SPATA31D1: variants seen among roughly 807,000 people sequenced by gnomAD.
The protein encoded by SPATA31D1 is SPATA31 subfamily D member 1, also known as spermatogenesis-associated protein 31D1.
SPATA31D1 carries 6 observed loss-of-function variants against 13.2 expected under a neutral mutation model. The observed-to-expected ratio is 0.46, with a 90% CI of 0.25 to 0.90. The LOEUF (loss-of-function observed/expected upper bound fraction) is 0.90, where lower values mean the gene tolerates loss of function less well. Ranked by LOEUF, SPATA31D1 falls within the 40% of genes least tolerant of loss-of-function variation. The probability of loss-of-function intolerance (pLI) is 0.18; values close to 1 mark genes in which losing one functional copy is unlikely to be tolerated. For synonymous variants in SPATA31D1, 903 were observed against 718.8 expected (o/e 1.26, Z -4.10); for missense variants, 2,445 against 1,884.7 (o/e 1.30, Z -5.50).
At chr9:81,988,145 G>A (rs574931560), upstream of SPATA31D1, among the ~76,000 whole-genome samples, 1 of 152,240 alleles carries the variant, frequency 6.6e-6, no homozygotes, top group African/African-American at 2.4e-5. Context: ...CTGTCTTATT[G>A]TTCGTTAATT....
chr9:81,991,473 G>A lies in SPATA31D1; in HGVS notation c.1003G>A (p.Gly335Arg), dbSNP rs369205312. Residue 335 changes from glycine to arginine, a missense_variant, in exon 4 of 4, where the codon GGG becomes AGG. By Grantham distance (125) the Gly-to-Arg change is moderately radical (BLOSUM62 -2). Transcript: ENST00000344803. ...AATGTTATCTCTAGGTGGCTCTGGT[G>A]GGTCATCCACCTCTGCCCCAACAAT... ...PEMLSLGGSGGSSTSAPTIKG... is the reference protein window; with the variant it reads ...PEMLSLGGSGRSSTSAPTIKG... 3.4e-5 allele frequency: 55 copies of A among 1,613,794 alleles called. 1 individual carries two copies. In the African/African-American group the frequency reaches 6.3e-4, roughly 18 times the overall value.
At position 81,989,833 on chromosome 9, in the gene SPATA31D1, G is replaced by T. The variant is rs746443824; in HGVS notation, c.232+10G>T. 1 of 1,613,312 alleles carries T rather than the reference G, an allele frequency of 6.2e-7. No homozygotes were observed. Among genetic ancestry groups the T allele is most frequent in the South Asian group, 1.1e-5 (1 of 91,040 alleles). ...GGTGGGACATTCAAAGGTAATGTCA[G>T]CCTGCTCTATCTGAGCTTCAGGGGT... is the stretch of plus-strand genomic sequence containing the variant. On this transcript the variant is annotated intron_variant, in intron 2 of 3. Transcript: ENST00000344803.
Position 81,995,126 on chromosome 9 carries a change from T to C in SPATA31D1, c.4656T>C (p.Ser1552=), listed in dbSNP as rs1397048433. 3 of 1,602,890 alleles carry C rather than the reference T, an allele frequency of 1.9e-6. No individual in the cohort carries two copies. Among genetic ancestry groups the C allele is most frequent in the African/African-American group, 1.3e-5 (1 of 74,652 alleles). Residue 1552 remains serine (S), a synonymous_variant, in exon 4 of 4, where the codon AGT becomes AGC. Transcript: ENST00000344803. ...CCAGTGCTAAAAGCCCTGTGTTTAG[T>C]GATGTGCCTTTCCTAACTGGACAGA... ...VPTSAKSPVF[S]DVPFLTGQKM...
Position 81,992,381 on chromosome 9 carries a change from G to T in SPATA31D1, c.1911G>T (p.Trp637Cys), listed in dbSNP as rs1824991014. The change falls in exon 4 of 4, where the codon TGG (tryptophan) becomes TGT (cysteine). Residue 637 changes from tryptophan (W) to cysteine (C), a missense_variant. Physicochemically the swap from Trp to Cys is radical, Grantham distance 215 (BLOSUM62 -2). Coordinates refer to ENST00000344803, the MANE Select transcript of SPATA31D1 (RefSeq NM_001001670.3). ...NVLQKVQESL[W>C]GLPSVVQKSQ... The stretch of plus-strand genomic sequence containing the variant: ...TGCAGAAAGTGCAGGAAAGTTTGTG[G>T]GGCTTACCCTCTGTGGTTCAAAAAT... 11 of 1,613,668 alleles carry T rather than the reference G, an allele frequency of 6.8e-6. No homozygotes were observed. The highest frequency in any genetic ancestry group is 1.7e-4 in the Middle Eastern group (1 of 6,060).
In SPATA31D1 at chr9:81,994,028, A is replaced by G; in HGVS notation, c.3558A>G (p.Pro1186=). The change falls in exon 4 of 4, where the codon CCA becomes CCG. Residue 1186 remains proline (P), a synonymous_variant. Transcript: ENST00000344803. ...ASTSNETEIF[P]PRISVPQDPK... is the part of the protein sequence containing the mutation. ...CTTCCAATGAAACTGAAATTTTCCC[A>G]CCAAGAATATCAGTTCCTCAAGATC... 1 of 1,613,860 alleles carries G rather than the reference A, an allele frequency of 6.2e-7. No homozygotes were observed. The highest frequency in any genetic ancestry group is 1.1e-5 in the South Asian group (1 of 91,074).
At position 81,993,815 on chromosome 9, in the gene SPATA31D1, G is replaced by C; in HGVS notation, c.3345G>C (p.Leu1115=). Residue 1115 remains leucine, a synonymous_variant, in exon 4 of 4, where the codon CTG becomes CTC. Transcript: ENST00000344803. The part of the protein sequence containing the change: ...TVLASRCSAE[L]PIMQAGAGCE... Reference sequence around the variant, plus strand: ...TGGCCAGTAGATGCAGCGCAGAGCTGCCCATAATGCAAGCTGGAGCTGGCT... The same window carrying C: ...TGGCCAGTAGATGCAGCGCAGAGCTCCCCATAATGCAAGCTGGAGCTGGCT... 1.2e-6 allele frequency: 2 copies of C among 1,614,044 alleles called. No individual in the cohort carries two copies. Among genetic ancestry groups the C allele is most frequent in the Non-Finnish European group, 8.5e-7 (1 of 1,179,896 alleles).
In SPATA31D1 at chr9:81,992,966, A is replaced by G; in HGVS notation, c.2496A>G (p.Val832=). ...AACAACTTGAAAATGCCCTGACAGT[A>G]CGTTTGAGCAAGAAATTTGAGGAAA... The part of the protein sequence containing the change: ...GQKQLENALT[V]RLSKKFEEIN... Residue 832 remains valine (V), a synonymous_variant, in exon 4 of 4, where the codon GTA becomes GTG. Transcript: ENST00000344803. 1 of 1,613,784 alleles carries G rather than the reference A, an allele frequency of 6.2e-7. No homozygotes were observed. The highest frequency in any genetic ancestry group is 2.2e-5 in the East Asian group (1 of 44,858).
In SPATA31D1 at chr9:81,993,959, C is replaced by T. The variant is rs753608361; in HGVS notation, c.3489C>T (p.Thr1163=). The T allele has an allele frequency of 4.3e-6, 7 of 1,613,866 alleles. No individual in the cohort carries two copies. The East Asian group carries it at 1.6e-4, about 36-fold the overall frequency. ...LQSQTRNNLT[T]SKSGSCSLTN... is the part of the protein sequence containing the mutation. ...CACAAACTAGGAACAACTTGACAAC[C>T]AGCAAGTCAGGAAGCTGCTCACTGA... is the stretch of plus-strand genomic sequence containing the variant. The change falls in exon 4 of 4, where the codon ACC becomes ACT. Residue 1163 remains threonine (T), a synonymous_variant. Coordinates refer to ENST00000344803, the MANE Select transcript of SPATA31D1 (RefSeq NM_001001670.3).
Position 81,990,809 on chromosome 9 carries a change from G to C in SPATA31D1, c.339G>C (p.Gln113His). 5 of 1,613,300 alleles carry C rather than the reference G, an allele frequency of 3.1e-6. No individual in the cohort carries two copies. The highest frequency in any genetic ancestry group is 4.2e-6 in the Non-Finnish European group (5 of 1,179,610). The change falls in exon 4 of 4, where the codon CAG becomes CAC. Residue 113 changes from glutamine to histidine, a missense_variant. Physicochemically the swap from Gln to His is conservative, Grantham distance 24. Transcript: ENST00000344803. ...CTGTTTCCTGCAGTCCTCGGGGCCA[G>C]CATCATGATACCAACCACTTTCGTC... Reference protein sequence around the residue: ...GPPVSCSPRGQHHDTNHFRRL... With the variant: ...GPPVSCSPRGHHHDTNHFRRL...
chr9:81,992,850 G>C lies in SPATA31D1; in HGVS notation c.2380G>C (p.Asp794His). The C allele has an allele frequency of 6.2e-7, 1 of 1,613,820 alleles. No individual in the cohort carries two copies. The part of the protein sequence containing the change: ...HLLHGPETSS[D>H]KDLRSNSERD... ...GTTGCATGGTCCGGAGACTTCTTCA[G>C]ACAAGGATCTGAGGTCTAACTCTGA... The change falls in exon 4 of 4, where the codon GAC becomes CAC. Residue 794 changes from aspartate (D) to histidine (H), a missense_variant. Coordinates refer to ENST00000344803, the MANE Select transcript of SPATA31D1 (RefSeq NM_001001670.3).
chr9:81,991,035 C>T lies in SPATA31D1; in HGVS notation c.565C>T (p.Arg189Trp), dbSNP rs191008559. The change falls in exon 4 of 4, where the codon CGG becomes TGG. Residue 189 changes from arginine (R) to tryptophan (W), a missense_variant. Arg to Trp is a moderately radical substitution (Grantham distance 101). Coordinates refer to ENST00000344803, the MANE Select transcript of SPATA31D1 (RefSeq NM_001001670.3). The part of the protein sequence containing the change: ...TPPEDLILSP[R>W]PKASPPPPLI... ...TCCAGAAGACCTAATACTGTCCCCT[C>T]GGCCTAAGGCCTCTCCACCACCCCC... 50 of 1,613,728 alleles carry T rather than the reference C, an allele frequency of 3.1e-5. No individual in the cohort carries two copies. The highest frequency in any genetic ancestry group is 3.3e-4 in the Middle Eastern group (2 of 6,056).
chr9:81,994,687 G>C lies in SPATA31D1; in HGVS notation c.4217G>C (p.Arg1406Thr). 2 of 1,613,642 alleles carry C rather than the reference G, an allele frequency of 1.2e-6. No homozygotes were observed. The highest frequency in any genetic ancestry group is 1.7e-5 in the Admixed American group (1 of 59,976). ...GGGACTACTGAAGCTCAGAAAATTAGGAAAGACACTAGGGAGTTCCTAGAA... is the reference window on the plus strand; with the variant it reads ...GGGACTACTGAAGCTCAGAAAATTACGAAAGACACTAGGGAGTTCCTAGAA... ...FTGTTEAQKI[R>T]KDTREFLEEK... Residue 1406 changes from arginine to threonine, a missense_variant, in exon 4 of 4, where the codon AGG (arginine) becomes ACG (threonine). Physicochemically the swap from Arg to Thr is moderately conservative, Grantham distance 71. Coordinates refer to ENST00000344803, the MANE Select transcript of SPATA31D1 (RefSeq NM_001001670.3).
rs1338173652 is a variant in SPATA31D1 at position 81,993,720 on chromosome 9, G to A, written c.3250G>A (p.Asp1084Asn). The change falls in exon 4 of 4, where the codon GAT (aspartate) becomes AAT (asparagine). Residue 1084 changes from aspartate (D) to asparagine (N), a missense_variant. Transcript: ENST00000344803. ...TACAGAAAGTGTCCGGACAACAGAG[G>A]ATGGCAGACAGACTTTTCTGCCCCC... ...DLTESVRTTE[D>N]GRQTFLPPPH... 2 of 1,614,000 alleles carry A rather than the reference G, an allele frequency of 1.2e-6. No individual in the cohort carries two copies. Among genetic ancestry groups the A allele is most frequent in the Middle Eastern group, 1.6e-4 (1 of 6,062 alleles).
rs1325145893 is a variant in SPATA31D1, at chr9:81,994,588, G to T, written c.4118G>T (p.Ser1373Ile). The change falls in exon 4 of 4, where the codon AGT becomes ATT. Residue 1373 changes from serine (S) to isoleucine (I), a missense_variant. Ser to Ile is a moderately radical substitution (Grantham distance 142, BLOSUM62 -2). Coordinates refer to ENST00000344803, the MANE Select transcript of SPATA31D1 (RefSeq NM_001001670.3). ...AGCATATCATATGAAGAACAAGAAAGTTCCTGGGAAAAGGGTAGCTCCCTG... is the reference window on the plus strand; with the variant it reads ...AGCATATCATATGAAGAACAAGAAATTTCCTGGGAAAAGGGTAGCTCCCTG... ...KPSISYEEQE[S>I]SWEKGSSLSS... 6.2e-7 allele frequency: 1 copy of T among 1,612,908 alleles called. No homozygotes were observed. The highest frequency in any genetic ancestry group is 2.2e-5 in the East Asian group (1 of 44,878).
chr9:81,994,692 G>T lies in SPATA31D1; in HGVS notation c.4222G>T (p.Asp1408Tyr), dbSNP rs1179269516. The T allele has an allele frequency of 6.2e-7, 1 of 1,613,660 alleles. No individual in the cohort carries two copies. Among genetic ancestry groups the T allele is most frequent in the South Asian group, 1.1e-5 (1 of 91,030 alleles). The change falls in exon 4 of 4, where the codon GAC (aspartate) becomes TAC (tyrosine). Residue 1408 changes from aspartate (D) to tyrosine (Y), a missense_variant. Asp to Tyr is a radical substitution (Grantham distance 160, BLOSUM62 -3). Coordinates refer to ENST00000344803, the MANE Select transcript of SPATA31D1 (RefSeq NM_001001670.3). The part of the protein sequence containing the change: ...GTTEAQKIRK[D>Y]TREFLEEKLG... Reference sequence around the variant, plus strand: ...TACTGAAGCTCAGAAAATTAGGAAAGACACTAGGGAGTTCCTAGAAGAGAA... The same window carrying T: ...TACTGAAGCTCAGAAAATTAGGAAATACACTAGGGAGTTCCTAGAAGAGAA...
In SPATA31D1 at chr9:81,991,554, C is replaced by A; in HGVS notation, c.1084C>A (p.His362Asn). 1 of 1,614,026 alleles carries A rather than the reference C, an allele frequency of 6.2e-7. No individual in the cohort carries two copies. The highest frequency in any genetic ancestry group is 1.1e-5 in the South Asian group (1 of 91,084). ...ASSEFTWWQPHAKDSFSSNFV... is the reference protein window; with the variant it reads ...ASSEFTWWQPNAKDSFSSNFV... ...TTCAGAATTCACCTGGTGGCAGCCT[C>A]ATGCCAAGGACTCTTTTTCCTCTAA... Residue 362 changes from histidine (H) to asparagine (N), a missense_variant, in exon 4 of 4, where the codon CAT (histidine) becomes AAT (asparagine). Transcript: ENST00000344803.
chr9:81,994,212 G>T lies in SPATA31D1; in HGVS notation c.3742G>T (p.Asp1248Tyr). The T allele has an allele frequency of 6.2e-7, 1 of 1,614,034 alleles. No homozygotes were observed. The highest frequency in any genetic ancestry group is 8.5e-7 in the Non-Finnish European group (1 of 1,179,906). Reference protein sequence around the residue: ...LTNSQGISSGDMGTSQVVHVH... With the variant: ...LTNSQGISSGYMGTSQVVHVH... ...TAATTCCCAGGGCATCTCGAGTGGG[G>T]ACATGGGAACTTCCCAGGTGGTGCA... Residue 1248 changes from aspartate to tyrosine, a missense_variant, in exon 4 of 4, where the codon GAC becomes TAC. Transcript: ENST00000344803.
chr9:81,990,051 T>G, intron 2 of SPATA31D1: 1 of 548,726 alleles, frequency 1.8e-6, no homozygotes, highest in Non-Finnish European at 3.2e-6. Flanking sequence ...GCAATGGGTG[T>G]TGCCCAATTG....
In SPATA31D1 at chr9:81,991,134, C is replaced by T; in HGVS notation, c.664C>T (p.Pro222Ser). The T allele has an allele frequency of 6.2e-7, 1 of 1,613,768 alleles. No homozygotes were observed. The highest frequency in any genetic ancestry group is 8.5e-7 in the Non-Finnish European group (1 of 1,179,722). The change falls in exon 4 of 4, where the codon CCA becomes TCA. Residue 222 changes from proline to serine, a missense_variant. Physicochemically the swap from Pro to Ser is moderately conservative, Grantham distance 74. Coordinates refer to ENST00000344803, the MANE Select transcript of SPATA31D1 (RefSeq NM_001001670.3). ...FSPSPLRDPL[P>S]PQPVSPLDSK... ...ACCCTCACCACTGAGGGACCCTCTG[C>T]CACCACAGCCTGTTTCTCCCTTGGA...
Sources: allele counts gnomAD v4.1 joint callset (sites outside exome capture counted in the v4.1 genomes callset), GRCh38; gene constraint gnomAD v4.1.1; transcripts MANE v1.5; gene names NCBI Gene and HGNC (gene_info 2026-07-23, HGNC 2026-07-21).